The following CHUK variants were observed in gnomAD, a reference collection of about 807,000 sequenced individuals.
CHUK encodes component of inhibitor of nuclear factor kappa B kinase complex.
A neutral mutation model predicts 104.8 loss-of-function variants in CHUK; 35 were observed. That is an observed-to-expected ratio of 0.33 (90% CI 0.26 to 0.44). CHUK has a LOEUF of 0.44. CHUK is among the 20% of genes least tolerant of loss of function. The pLI, the probability that CHUK is intolerant of heterozygous loss-of-function variation, is 1.00. For synonymous variants in CHUK, 276 were observed against 291.9 expected (o/e 0.95, Z 0.56); for missense variants, 663 against 902.7 (o/e 0.73, Z 3.40).
chr10:100,199,715 G>A (rs1046915023), intron 16 of CHUK, among the ~76,000 whole-genome samples: 32 of 151,816 alleles, frequency 2.1e-4, no homozygotes, highest in Non-Finnish European at 4.4e-5. Flanking sequence ...CCTTTTTTCT[G>A]TCTTCCATTC....
chr10:100,202,047 C>G lies in CHUK; in HGVS notation c.1569+41G>C, dbSNP rs370492294. On this transcript the variant is annotated intron_variant, in intron 14 of 20. Coordinates refer to ENST00000370397, the MANE Select transcript of CHUK (RefSeq NM_001278.5). ...CAAAGATAGTTTCTAATGGAGACAT[C>G]AAGAATTAATAAGTATACAGAATGA... 5.7e-6 allele frequency: 8 copies of G among 1,412,756 alleles called. No individual in the cohort carries two copies. In the African/African-American group the frequency reaches 9.9e-5, roughly 17 times the overall value. The allele number at this position is 1,412,756 out of a possible 1,614,324, so 87.5% of individuals were successfully genotyped here.
At chr10:100,200,879 A>C (rs1845446028) in intron 14 of CHUK, 99 bp from the exon 15 acceptor site, 1 of 738,654 alleles carries the variant, frequency 1.4e-6, no homozygotes, top group Non-Finnish European at 2.5e-6. Context: ...TTGCTGCTTC[A>C]TTAGAGAACT....
At chr10:100,210,034 A>C (rs1296074258) in intron 9 of CHUK, among the ~76,000 whole-genome samples, 1 of 151,836 alleles carries the variant, frequency 6.6e-6, no homozygotes, top group Non-Finnish European at 1.5e-5. Context: ...AATTTTCAAA[A>C]TTAAGAAAAA....
intron 4 of CHUK, among the ~76,000 whole-genome samples, chr10:100,221,587 T>C (rs1845988916): frequency 6.6e-6 from 1 of 152,068 alleles, no homozygotes; most frequent in Non-Finnish European, 1.5e-5. Context: ...TTGGAACATC[T>C]ATTAGACAAA....
chr10:100,186,393 GGCAGAGATCCTGCCCTTCAGGA>G (rs1225721486), downstream of CHUK: 1 of 221,818 alleles, frequency 4.5e-6, no homozygotes, highest in Non-Finnish European at 8.7e-6. Flanking sequence ...ACTTGCTTCC[GGCAGAGATCCTGCCCTTCAGGA>G]GCAACTAAAC....
At chr10:100,223,375 G>C (rs995976577) in intron 2 of CHUK, among the ~76,000 whole-genome samples, 1 of 152,112 alleles carries the variant, frequency 6.6e-6, no homozygotes, top group African/African-American at 2.4e-5. Flanking sequence ...GGGTGTAGTT[G>C]TAACTGTAAT....
At chr10:100,188,266 T>C (rs1394532274), downstream of CHUK, 1 of 152,628 alleles carries the variant, frequency 6.6e-6, no homozygotes, top group African/African-American at 2.4e-5. Flanking sequence ...ACAGTTATTC[T>C]ATGCTCTTAA....
At chr10:100,206,311 T>C (rs1330045923) in intron 11 of CHUK, among the ~76,000 whole-genome samples, 3 of 152,082 alleles carry the variant, frequency 2.0e-5, no homozygotes, top group Admixed American at 2.0e-4. Context: ...AAGGTCTCAC[T>C]CTGTTGCCCA....
intron 13 of CHUK, among the ~76,000 whole-genome samples, chr10:100,203,692 A>C (rs1207729225): frequency 2.0e-5 from 3 of 152,170 alleles, no homozygotes; most frequent in Non-Finnish European, 4.4e-5. Flanking sequence ...TCCTTAGTAC[A>C]TCTGAAGGAG....
chr10:100,227,345 A>C (rs193208665), intron 1 of CHUK, among the ~76,000 whole-genome samples: 1 of 152,258 alleles, frequency 6.6e-6, no homozygotes, highest in South Asian at 2.1e-4. Context: ...CTAACTGTAC[A>C]CTTAAAAATA....
chr10:100,192,675 G>C, intron 19 of CHUK: 1 of 986,756 alleles, frequency 1.0e-6, no homozygotes, highest in Non-Finnish European at 1.2e-6. Flanking sequence ...CACTGGCTTT[G>C]GATACGGCAC....
At chr10:100,216,148 A>G (rs1050085108) in intron 9 of CHUK, among the ~76,000 whole-genome samples, 3 of 152,226 alleles carry the variant, frequency 2.0e-5, no homozygotes, top group Non-Finnish European at 4.4e-5. Context: ...CCCGTGCCCT[A>G]TAACAAGAGG....
intron 1 of CHUK, 50 bp from the exon 2 acceptor site, chr10:100,226,067 AT>A: frequency 9.4e-7 from 1 of 1,068,920 alleles, no homozygotes; most frequent in Non-Finnish European, 1.5e-6. Flanking sequence ...TCTTGTGAAG[AT>A]TTATTTGCTA....
intron 16 of CHUK, chr10:100,195,449 C>T (rs1845303649): frequency 6.6e-6 from 1 of 152,182 alleles, no homozygotes; most frequent in African/African-American, 2.4e-5. Flanking sequence ...AATACTTCCC[C>T]CATAGCCCAA....
In CHUK at chr10:100,210,083, A is replaced by AT. The variant is rs201890676; in HGVS notation, c.934-295dup. On this transcript the variant is annotated intron_variant, in intron 9 of 20. Transcript: ENST00000370397. ...GAACAAGTTATTTATTTATTTATTTATTTATTTATTTTTTTTTTTTTTGAG... is the reference window on the plus strand; with the variant it reads ...GAACAAGTTATTTATTTATTTATTTATTTTATTTATTTTTTTTTTTTTTGAG... Among the ~76,000 whole-genome samples, 1,265 of 130,152 alleles carry AT rather than the reference A, an allele frequency of 9.7e-3. 16 individuals carry two copies. The highest frequency in any genetic ancestry group is 0.038 in the African/African-American group (1,125 of 29,560). 85.4% of individuals were successfully genotyped at this position (130,152 alleles called of 152,430 possible).
At chr10:100,195,741 A>G (rs1218818611) in intron 16 of CHUK, 1 of 152,232 alleles carries the variant, frequency 6.6e-6, no homozygotes, top group Admixed American at 6.5e-5. Context: ...GTGATTATAT[A>G]ATAGGCCCCA....
intron 9 of CHUK, among the ~76,000 whole-genome samples, chr10:100,216,971 G>C (rs576815086): frequency 4.6e-5 from 7 of 152,294 alleles, no homozygotes; most frequent in African/African-American, 1.7e-4. Context: ...AGACGAGAAA[G>C]AGAATATAGC....
chr10:100,217,011 C>T (rs1160441151), intron 9 of CHUK, among the ~76,000 whole-genome samples: 1 of 151,936 alleles, frequency 6.6e-6, no homozygotes, highest in African/African-American at 2.4e-5. Context: ...TGGCAGAGAC[C>T]ATTTAAAGAA....
chr10:100,191,104 G>A lies in CHUK; in HGVS notation c.2109-136C>T, dbSNP rs372650498. ...TACCCCAGTGCAGTTGACTCCTGTA[G>A]TCTTTAGTTTCCTCATCCCTCCCTA... On this transcript the variant is annotated intron_variant, in intron 19 of 20. Transcript: ENST00000370397. 3,334 of 706,030 alleles carry A rather than the reference G, an allele frequency of 4.7e-3. 107 individuals are homozygous for A. The highest frequency in any genetic ancestry group is 0.046 in the South Asian group (3,143 of 68,916). 43.7% of individuals were successfully genotyped at this position (706,030 alleles called of 1,614,324 possible). A position where few individuals can be genotyped will look rare whatever the true frequency, so the allele number is the denominator to read the frequency against.
Sources: gnomAD v4.1 joint callset for allele counts (sites outside exome capture counted in the v4.1 genomes callset) on GRCh38, gnomAD v4.1.1 for gene constraint, MANE v1.5 for transcripts, NCBI Gene and HGNC (gene_info 2026-07-23, HGNC 2026-07-21) for gene names.